Variants in VPS13B observed in about 807,000 individuals in gnomAD.
VPS13B encodes intermembrane lipid transfer protein VPS13B.
In VPS13B, 285 loss-of-function variants were observed where a neutral mutation model predicts 426.4. That is an observed-to-expected ratio of 0.67 (90% confidence interval 0.61 to 0.74). VPS13B has a LOEUF of 0.74. Among genes scored for constraint, VPS13B ranks in the 30% least tolerant of loss-of-function variants. VPS13B has a pLI of 0.00. For synonymous variants in VPS13B, 1,676 were observed against 1,676.4 expected (o/e 1.00, Z 0.01); for missense variants, 4,537 against 4,782.6 (o/e 0.95, Z 1.51).
intron 17 of VPS13B, among the ~76,000 whole-genome samples, chr8:99,260,714 A>G (rs1376914707): frequency 2.0e-5 from 3 of 152,006 alleles, no homozygotes; most frequent in African/African-American, 4.8e-5. Context: ...TTTCTAGCCA[A>G]TGTGAGTTAT....
chr8:99,038,064 C>G (rs1563498343), intron 2 of VPS13B, among the ~76,000 whole-genome samples: 1 of 151,968 alleles, frequency 6.6e-6, no homozygotes, highest in Non-Finnish European at 1.5e-5. Flanking sequence ...TCATCATGTA[C>G]TGAGTATTAT....
chr8:99,029,644 C>T (rs887062939), intron 2 of VPS13B, among the ~76,000 whole-genome samples: 6 of 151,484 alleles, frequency 4.0e-5, no homozygotes, highest in African/African-American at 7.3e-5. Context: ...GGTGTGGCGG[C>T]GCGCGCCTGC....
At position 99,678,278 on chromosome 8, in the gene VPS13B, T is replaced by C. The variant is rs560119991; in HGVS notation, c.6046+16787T>C. 2.6e-5 allele frequency among the ~76,000 whole-genome samples: 4 copies of C among 152,326 alleles called. No homozygotes were observed. The East Asian group carries it at 7.7e-4, about 29-fold the overall frequency. On this transcript the variant is annotated intron_variant, in intron 35 of 61. Transcript: ENST00000357162. ...TTTTATTTCAAGTCCTTCTACTTTT[T>C]TCTTTGAAATAGTCCTCAATTATGC...
chr8:99,130,529 A>C (rs1315370789), intron 8 of VPS13B, among the ~76,000 whole-genome samples: 1 of 151,788 alleles, frequency 6.6e-6, no homozygotes, highest in Non-Finnish European at 1.5e-5. Flanking sequence ...CTGGGACTAC[A>C]GGTGCCCGCC....
intron 29 of VPS13B, among the ~76,000 whole-genome samples, chr8:99,516,007 T>C (rs1822049258): frequency 1.3e-5 from 2 of 152,224 alleles, no homozygotes; most frequent in East Asian, 3.8e-4. Flanking sequence ...TCTGTGCATG[T>C]ATCTGTATCT....
At chr8:99,043,877 G>A (rs908693313) in intron 3 of VPS13B, among the ~76,000 whole-genome samples, 1 of 151,872 alleles carries the variant, frequency 6.6e-6, no homozygotes, top group African/African-American at 2.4e-5. Flanking sequence ...CTTTATTGTG[G>A]ATCCTGTCTC....
intron 39 of VPS13B, among the ~76,000 whole-genome samples, chr8:99,736,560 G>A (rs1399553910): frequency 6.6e-5 from 10 of 152,180 alleles, no homozygotes; most frequent in East Asian, 3.9e-4. Flanking sequence ...GCGACAGAGC[G>A]AGACTCTTGA....
chr8:99,582,774 GC>G (rs1826129441), intron 33 of VPS13B, among the ~76,000 whole-genome samples: 1 of 152,066 alleles, frequency 6.6e-6, no homozygotes, highest in Non-Finnish European at 1.5e-5. Flanking sequence ...TCCTGCCTCA[GC>G]CTCCCGAGTA....
intron 35 of VPS13B, among the ~76,000 whole-genome samples, chr8:99,691,584 A>T (rs1831668715): frequency 1.3e-5 from 2 of 151,994 alleles, no homozygotes; most frequent in Non-Finnish European, 2.9e-5. Context: ...GCCGCTGCAA[A>T]ATCATGCCAA....
intron 35 of VPS13B, among the ~76,000 whole-genome samples, chr8:99,684,382 G>A (rs1344717432): frequency 1.3e-5 from 2 of 152,122 alleles, no homozygotes; most frequent in Non-Finnish European, 2.9e-5. Flanking sequence ...AAGAAAGAAG[G>A]AAAACAATAG....
intron 19 of VPS13B, among the ~76,000 whole-genome samples, chr8:99,359,772 A>G (rs559081690): frequency 4.6e-4 from 70 of 152,324 alleles, no homozygotes; most frequent in Admixed American, 1.1e-3. Context: ...TCTACATTAG[A>G]ATCAGCGTAC....
intron 21 of VPS13B, among the ~76,000 whole-genome samples, chr8:99,420,943 G>A (rs1026200644): frequency 1.3e-5 from 2 of 152,118 alleles, no homozygotes; most frequent in African/African-American, 4.8e-5. Context: ...TCAATGATTA[G>A]TTAAGTTTTA....
chr8:99,487,815 T>G (rs1031010235), intron 25 of VPS13B, among the ~76,000 whole-genome samples: 7 of 152,216 alleles, frequency 4.6e-5, no homozygotes, highest in Admixed American at 2.0e-4. Flanking sequence ...TTTCATTGTA[T>G]GTATATAACA....
intron 19 of VPS13B, among the ~76,000 whole-genome samples, chr8:99,374,845 T>C (rs1303001898): frequency 1.3e-5 from 2 of 152,218 alleles, no homozygotes; most frequent in African/African-American, 4.8e-5. Context: ...TGCTTAGTTC[T>C]CCTGATACAC....
At chr8:99,772,182 A>G (rs1055628635) in intron 40 of VPS13B, among the ~76,000 whole-genome samples, 1 of 150,030 alleles carries the variant, frequency 6.7e-6, no homozygotes, top group Non-Finnish European at 1.5e-5. Flanking sequence ...TGCCTACTCT[A>G]TGAACCTTGG....
chr8:99,050,191 C>T (rs190061436), intron 3 of VPS13B, among the ~76,000 whole-genome samples: 9 of 152,042 alleles, frequency 5.9e-5, no homozygotes, highest in Non-Finnish European at 8.8e-5. Flanking sequence ...CCCCTCCCCC[C>T]ACCACACAAC....
chr8:99,871,568 G>GGTGA lies in VPS13B; in HGVS notation c.11620_11623dup (p.Val3875GlufsTer4). ...TGCTGACATCAGAAGTGCTCTTCGT[G>GGTGA]GTGAGTGTCAGTGAGGACACACAGC... On this transcript the variant is annotated frameshift_variant, in exon 61 of 62. Transcript: ENST00000357162. LOFTEE classifies it high-confidence loss of function. The GGTGA allele has an allele frequency of 6.2e-7, 1 of 1,614,200 alleles. No individual in the cohort carries two copies. The highest frequency in any genetic ancestry group is 8.5e-7 in the Non-Finnish European group (1 of 1,180,040).
intron 23 of VPS13B, among the ~76,000 whole-genome samples, chr8:99,450,800 T>G (rs1292233704): frequency 6.6e-6 from 1 of 152,194 alleles, no homozygotes; most frequent in East Asian, 1.9e-4. Flanking sequence ...TTAGAATTGC[T>G]TGTTTATCAT....
At chr8:99,025,220 C>T (rs1268349473) in intron 2 of VPS13B, among the ~76,000 whole-genome samples, 2 of 152,048 alleles carry the variant, frequency 1.3e-5, no homozygotes, top group African/African-American at 2.4e-5. Context: ...ATCTTGTCTT[C>T]TGCAAATAGG....
Sources: gnomAD v4.1 joint callset for allele counts (sites outside exome capture counted in the v4.1 genomes callset) on GRCh38, gnomAD v4.1.1 for gene constraint, MANE v1.5 for transcripts, NCBI Gene and HGNC (gene_info 2026-07-23, HGNC 2026-07-21) for gene names.